GNG2: variants seen among roughly 807,000 people sequenced by gnomAD.
GNG2 encodes G protein subunit gamma 2.
GNG2 carries 5 observed loss-of-function variants against 5.5 expected under a neutral mutation model. The observed-to-expected ratio is 0.91, with a 90% confidence interval of 0.48 to 1.92. The LOEUF (loss-of-function observed/expected upper bound fraction) is 1.92, where lower values mean the gene tolerates loss of function less well. GNG2 is among the 30% of genes most tolerant of loss of function. GNG2 has a pLI of 0.01. For missense variants in GNG2, 55 were observed against 88.4 expected, an observed-to-expected ratio of 0.62 and a Z score of 1.52; for synonymous variants, 28 against 32.0, an observed-to-expected ratio of 0.88 and a Z score of 0.42.
chr14:51,928,277 A>G (rs1200472473), intron 2 of GNG2, among the ~76,000 whole-genome samples: 3 of 151,642 alleles, frequency 2.0e-5, no homozygotes, highest in Non-Finnish European at 2.9e-5. Flanking sequence ...TGATCCACCC[A>G]CCTGGTCTCC....
chr14:51,861,874 A>T (rs1305646661), intron 1 of GNG2, among the ~76,000 whole-genome samples: 1 of 152,250 alleles, frequency 6.6e-6, no homozygotes, highest in Non-Finnish European at 1.5e-5. Flanking sequence ...GTAGTCATTG[A>T]TAAAAGGGTT....
At chr14:51,846,569 G>A (rs1235743703) in intron 2 of GNG2, among the ~76,000 whole-genome samples, 1 of 152,184 alleles carries the variant, frequency 6.6e-6, no homozygotes, top group Non-Finnish European at 1.5e-5. Flanking sequence ...AAAAATGTGT[G>A]TGCGACCTGT....
intron 1 of GNG2, among the ~76,000 whole-genome samples, chr14:51,875,830 A>C (rs1215665798): frequency 6.6e-6 from 1 of 151,276 alleles, no homozygotes; most frequent in African/African-American, 2.4e-5. Context: ...TTTACTTTAT[A>C]ATAAAATAAC....
At chr14:51,965,411 T>C (rs2140309568) in intron 3 of GNG2, among the ~76,000 whole-genome samples, 1 of 152,316 alleles carries the variant, frequency 6.6e-6, no homozygotes, top group Middle Eastern at 3.4e-3. Flanking sequence ...AGTCCCCAGA[T>C]GTAGCTATAG....
intron 2 of GNG2, among the ~76,000 whole-genome samples, chr14:51,830,671 C>T (rs73287134): frequency 0.03 from 4,581 of 152,272 alleles, 120 homozygotes; most frequent in African/African-American, 0.064. Flanking sequence ...ATGTATTCAG[C>T]CGCTAACCAC....
intron 1 of GNG2, among the ~76,000 whole-genome samples, chr14:51,875,236 G>T (rs571465765): frequency 7.9e-5 from 12 of 152,318 alleles, no homozygotes; most frequent in African/African-American, 2.6e-4. Flanking sequence ...TTCCTATGAG[G>T]TTTCTCTTGC....
At chr14:51,890,367 G>C (rs1884770212) in intron 2 of GNG2, among the ~76,000 whole-genome samples, 1 of 152,172 alleles carries the variant, frequency 6.6e-6, no homozygotes, top group Non-Finnish European at 1.5e-5. Flanking sequence ...ACTAGCCAAG[G>C]TTGGAGTTTT....
At position 51,966,628 on chromosome 14, in the gene GNG2, C is replaced by G. The variant is rs1441365658; in HGVS notation, c.157C>G (p.Pro53Ala). Residue 53 changes from proline (P) to alanine (A), a missense_variant, in exon 4 of 4, where the codon CCT becomes GCT. Coordinates refer to ENST00000556766, the MANE Select transcript of GNG2 (RefSeq NM_053064.5). ...TGCCAAGGAAGACCCCCTCCTGACC[C>G]CTGTTCCGGCTTCAGAAAACCCGTT... ...AHAKEDPLLTPVPASENPFRE... is the reference protein window; with the variant it reads ...AHAKEDPLLTAVPASENPFRE... 6.2e-7 allele frequency: 1 copy of G among 1,613,530 alleles called. No individual in the cohort carries two copies. Among genetic ancestry groups the G allele is most frequent in the Non-Finnish European group, 8.5e-7 (1 of 1,179,460 alleles).
At chr14:51,883,188 G>A (rs1296983097) in intron 2 of GNG2, among the ~76,000 whole-genome samples, 1 of 152,088 alleles carries the variant, frequency 6.6e-6, no homozygotes, top group African/African-American at 2.4e-5. Flanking sequence ...TGACTGCATA[G>A]GGGTTTGCAG....
chr14:51,945,456 C>T (rs945777190), intron 2 of GNG2, among the ~76,000 whole-genome samples: 6 of 152,212 alleles, frequency 3.9e-5, no homozygotes, highest in Admixed American at 3.9e-4. Flanking sequence ...TATATGATTC[C>T]ACTTCTATGA....
At position 51,897,977 on chromosome 14, in the gene GNG2, A is replaced by G. The variant is rs146653399; in HGVS notation, c.-30+20320A>G. Among the ~76,000 whole-genome samples, 905 of 152,320 alleles carry G rather than the reference A, an allele frequency of 5.9e-3. 8 individuals carry two copies. The highest frequency in any genetic ancestry group is 0.011 in the Non-Finnish European group (741 of 68,026). On this transcript the variant is annotated intron_variant, in intron 2 of 3. Transcript: ENST00000556766. ...CTATCAGCAGAGAAACCCTCTGGCTATGTATTTAACACCCCGTAACTGTTC... is the reference window on the plus strand; with the variant it reads ...CTATCAGCAGAGAAACCCTCTGGCTGTGTATTTAACACCCCGTAACTGTTC...
intron 3 of GNG2, among the ~76,000 whole-genome samples, chr14:51,952,684 CAGA>C (rs748269455): frequency 6.6e-6 from 1 of 152,154 alleles, no homozygotes; most frequent in Non-Finnish European, 1.5e-5. Context: ...AAACTGACAG[CAGA>C]AGAAAGATAA....
At chr14:51,895,082 AC>A in intron 2 of GNG2, among the ~76,000 whole-genome samples, 1 of 152,238 alleles carries the variant, frequency 6.6e-6, no homozygotes, top group South Asian at 2.1e-4. Context: ...GCCTGACATA[AC>A]TAAAGCCAGG....
chr14:51,876,136 G>A (rs1013008410), intron 1 of GNG2, among the ~76,000 whole-genome samples: 7 of 151,904 alleles, frequency 4.6e-5, no homozygotes, highest in East Asian at 3.9e-4. Context: ...AATATGTCTC[G>A]CTCTGTTGCC....
chr14:51,925,299 A>G (rs866198146), intron 2 of GNG2, among the ~76,000 whole-genome samples: 21 of 152,234 alleles, frequency 1.4e-4, no homozygotes, highest in Admixed American at 2.0e-4. Flanking sequence ...ATACAATATA[A>G]CATATATGTC....
intron 2 of GNG2, among the ~76,000 whole-genome samples, chr14:51,943,213 G>A (rs1888449333): frequency 6.6e-6 from 1 of 152,222 alleles, no homozygotes; most frequent in East Asian, 1.9e-4. Context: ...GGGGAGTAGT[G>A]TGTAGAAATG....
chr14:51,925,654 C>T (rs1887265860), intron 2 of GNG2, among the ~76,000 whole-genome samples: 1 of 152,180 alleles, frequency 6.6e-6, no homozygotes, highest in Non-Finnish European at 1.5e-5. Flanking sequence ...CTCTATCACC[C>T]AGGCTGGAGT....
intron 2 of GNG2, among the ~76,000 whole-genome samples, chr14:51,908,527 G>GATCT (rs10624821): frequency 0.13 from 19,622 of 149,564 alleles, 1,369 homozygotes; most frequent in East Asian, 0.21. Flanking sequence ...ATATTTTAAA[G>GATCT]ATCTATCTAT....
chr14:51,832,292 AAAAAG>A (rs1881219947), intron 2 of GNG2, among the ~76,000 whole-genome samples: 2 of 152,138 alleles, frequency 1.3e-5, no homozygotes, highest in Non-Finnish European at 2.9e-5. Context: ...GAGAAAAAAA[AAAAAG>A]AAAAGAAAAA....
Sources: gnomAD v4.1 joint callset for allele counts (sites outside exome capture counted in the v4.1 genomes callset) on GRCh38, gnomAD v4.1.1 for gene constraint, MANE v1.5 for transcripts, NCBI Gene and HGNC (gene_info 2026-07-23, HGNC 2026-07-21) for gene names.